DEPDC5: variants seen among roughly 807,000 people sequenced by gnomAD.
DEPDC5 encodes the protein DEP domain containing 5, GATOR1 subcomplex subunit, also known as GATOR1 complex protein DEPDC5.
DEPDC5 carries 73 observed loss-of-function variants against 217.3 expected under a neutral mutation model. The ratio of observed to expected loss-of-function variants is 0.34; its 90% CI spans 0.28 to 0.41. DEPDC5 has a LOEUF of 0.41. Ranked by LOEUF, DEPDC5 falls within the 10% of genes least tolerant of loss-of-function variation. The pLI, the probability that DEPDC5 is intolerant of heterozygous loss-of-function variation, is 1.00. For synonymous variants in DEPDC5, 733 were observed against 756.7 expected, an observed-to-expected ratio of 0.97 and a Z score of 0.51; for missense variants, 1,675 against 2,070.1, an observed-to-expected ratio of 0.81 and a Z score of 3.70.
chr22:31,785,738 A>G (rs1325269691), intron 10 of DEPDC5, among the ~76,000 whole-genome samples: 1 of 152,198 alleles, frequency 6.6e-6, no homozygotes, highest in Non-Finnish European at 1.5e-5. Context: ...GAATAGTGTG[A>G]TATTGGCATA....
intron 38 of DEPDC5, among the ~76,000 whole-genome samples, chr22:31,884,912 A>G (rs2093269469): frequency 6.6e-6 from 1 of 152,194 alleles, no homozygotes; most frequent in Non-Finnish European, 1.5e-5. Flanking sequence ...TTCCTGCTCT[A>G]CATCCAGCCC....
intron 31 of DEPDC5, among the ~76,000 whole-genome samples, chr22:31,855,407 C>A (rs1322825655): frequency 1.4e-5 from 2 of 141,952 alleles, no homozygotes; most frequent in African/African-American, 5.3e-5. Flanking sequence ...GACGGAGTCT[C>A]GCTCTGTCGC....
intron 31 of DEPDC5, among the ~76,000 whole-genome samples, chr22:31,850,958 C>T (rs1452900112): frequency 2.0e-5 from 3 of 151,616 alleles, no homozygotes; most frequent in Admixed American, 6.6e-5. Flanking sequence ...GTCCCAGCTA[C>T]GCGGGAGGCT....
chr22:31,802,719 A>G lies in DEPDC5; in HGVS notation c.962A>G (p.Tyr321Cys). ...TTATTTCTAGTGTTTGATAAGCACT[A>G]CATCAACCGCAACTTTGACCGAACT... Reference protein sequence around the residue: ...NLSFNVFDKHYINRNFDRTGQ... With the variant: ...NLSFNVFDKHCINRNFDRTGQ... Residue 321 changes from tyrosine (Y) to cysteine (C), a missense_variant, in exon 15 of 43, where the codon TAC becomes TGC. Tyr to Cys is a radical substitution (Grantham distance 194). Transcript: ENST00000651528. 1 of 1,586,476 alleles carries G rather than the reference A, an allele frequency of 6.3e-7. No homozygotes were observed.
At chr22:31,883,151 T>C (rs1199220720) in intron 38 of DEPDC5, among the ~76,000 whole-genome samples, 1 of 152,142 alleles carries the variant, frequency 6.6e-6, no homozygotes. Context: ...TGTGATAAAA[T>C]GTCTCCTGAC....
At chr22:31,775,866 C>T (rs2083785788) in intron 7 of DEPDC5, among the ~76,000 whole-genome samples, 1 of 151,702 alleles carries the variant, frequency 6.6e-6, no homozygotes, top group East Asian at 2.0e-4. Flanking sequence ...ATGGTGAAAC[C>T]TCATCTCTAC....
chr22:31,826,416 T>C (rs1016174283), intron 24 of DEPDC5: 1 of 406,834 alleles, frequency 2.5e-6, no homozygotes, highest in Non-Finnish European at 4.9e-6. Flanking sequence ...CAATAACATA[T>C]TTTGTATTCC....
At chr22:31,889,570 G>A (rs57009763) in intron 38 of DEPDC5, among the ~76,000 whole-genome samples, 1 of 111,006 alleles carries the variant, frequency 9.0e-6, no homozygotes, top group Non-Finnish European at 1.7e-5. Context: ...TTTTTTTCCA[G>A]ACAGAGTCTC....
At chr22:31,766,752 T>G in intron 6 of DEPDC5, 84 bp downstream of exon 6, 1 of 1,296,406 alleles carries the variant, frequency 7.7e-7, no homozygotes, top group Non-Finnish European at 1.1e-6. Context: ...GAATATAAAA[T>G]CGTTTCTGAT....
chr22:31,890,282 C>A (rs2093411979), intron 38 of DEPDC5: 1 of 152,108 alleles, frequency 6.6e-6, no homozygotes, highest in South Asian at 2.1e-4. Flanking sequence ...AACTTCAAAT[C>A]AATAAGTTTT....
intron 16 of DEPDC5, among the ~76,000 whole-genome samples, chr22:31,804,580 C>T (rs2087276629): frequency 6.6e-6 from 1 of 152,176 alleles, no homozygotes; most frequent in Non-Finnish European, 1.5e-5. Flanking sequence ...GCTATGATTA[C>T]AGGCGCCTGC....
At chr22:31,768,230 T>C (rs77490208) in intron 6 of DEPDC5, among the ~76,000 whole-genome samples, 3,717 of 152,150 alleles carry the variant, frequency 0.024, 56 homozygotes, top group African/African-American at 0.039. Context: ...TATTAATTTT[T>C]TAATGAACAT....
intron 7 of DEPDC5, among the ~76,000 whole-genome samples, chr22:31,773,144 G>C (rs2083501626): frequency 6.6e-6 from 1 of 152,046 alleles, no homozygotes; most frequent in South Asian, 2.1e-4. Context: ...CACAGTTCTA[G>C]ATGGAGAAAA....
At chr22:31,828,065 G>A (rs1334819184) in intron 24 of DEPDC5, among the ~76,000 whole-genome samples, 1 of 152,096 alleles carries the variant, frequency 6.6e-6, no homozygotes, top group Non-Finnish European at 1.5e-5. Context: ...CACCTGGCAT[G>A]CTAGATTTTT....
At chr22:31,845,743 A>C (rs2091690910) in intron 30 of DEPDC5, among the ~76,000 whole-genome samples, 1 of 151,464 alleles carries the variant, frequency 6.6e-6, no homozygotes, top group Non-Finnish European at 1.5e-5. Flanking sequence ...ATATAGTATA[A>C]TTGACGTGTG....
intron 40 of DEPDC5, among the ~76,000 whole-genome samples, chr22:31,900,386 A>T (rs1467112716): frequency 6.6e-6 from 1 of 151,782 alleles, no homozygotes; most frequent in Non-Finnish European, 1.5e-5. Context: ...CAATTTTCCT[A>T]CCTCTAGAAT....
chr22:31,856,153 G>GCACACACACA (rs771652884), intron 31 of DEPDC5, among the ~76,000 whole-genome samples: 3,723 of 108,222 alleles, frequency 0.034, 129 homozygotes, highest in African/African-American at 0.073. Context: ...TTGGGCCAAC[G>GCACACACACA]CGCACACACA....
At chr22:31,770,791 CTTTT>C (rs1156973076) in intron 7 of DEPDC5, among the ~76,000 whole-genome samples, 4 of 120,098 alleles carry the variant, frequency 3.3e-5, no homozygotes, top group Non-Finnish European at 5.2e-5. Context: ...ATCTACTTTT[CTTTT>C]TTTTTTTTTT....
At chr22:31,844,392 T>C (rs2091591050) in intron 29 of DEPDC5, among the ~76,000 whole-genome samples, 1 of 152,142 alleles carries the variant, frequency 6.6e-6, no homozygotes, top group Admixed American at 6.5e-5. Context: ...AGACCTTGTC[T>C]CAAAAAAATA....
Sources: gnomAD v4.1 joint callset for allele counts (sites outside exome capture counted in the v4.1 genomes callset) on GRCh38, gnomAD v4.1.1 for gene constraint, MANE v1.5 for transcripts, NCBI Gene and HGNC (gene_info 2026-07-23, HGNC 2026-07-21) for gene names.